Variants in PCDHA11 observed in about 807,000 individuals in gnomAD.
The protein encoded by PCDHA11 is protocadherin alpha 11.
In PCDHA11, 61 loss-of-function variants were observed where a neutral mutation model predicts 70.3. The observed-to-expected ratio is 0.87, with a 90% confidence interval of 0.71 to 1.07. The LOEUF is 1.07. PCDHA11 is among the 50% of genes least tolerant of loss of function. PCDHA11 has a pLI of 0.00. For synonymous variants in PCDHA11, 633 were observed against 555.1 expected, an observed-to-expected ratio of 1.14 and a Z score of -1.97; for missense variants, 1,324 against 1,237.5, an observed-to-expected ratio of 1.07 and a Z score of -1.05.
chr5:140,946,807 A>G (rs1333101378), intron 1 of PCDHA11, among the ~76,000 whole-genome samples: 3 of 151,418 alleles, frequency 2.0e-5, no homozygotes, highest in Non-Finnish European at 4.4e-5. Context: ...CAGAGAGTAT[A>G]ACAGTGATTA....
chr5:140,968,089 C>T lies in PCDHA11; in HGVS notation c.2392-10860C>T, dbSNP rs546330069. ...CTGTCTACAACATCACGGTGACAGC[C>T]ACAGATGGGGGAATACCGCAGCTCA... On this transcript the variant is annotated intron_variant, in intron 1 of 3. Transcript: ENST00000398640. 120 of 1,614,126 alleles carry T rather than the reference C, an allele frequency of 7.4e-5. 1 individual carries two copies. The South Asian group carries it at 1.2e-3, about 16-fold the overall frequency.
chr5:140,887,323 C>T (rs1209011082), intron 1 of PCDHA11, among the ~76,000 whole-genome samples: 5 of 152,084 alleles, frequency 3.3e-5, no homozygotes, highest in African/African-American at 1.2e-4. Context: ...GTCTCGAACT[C>T]CTGACCTCGT....
chr5:141,009,729 G>A lies in PCDHA11; in HGVS notation c.2642G>A (p.Gly881Asp). 6.2e-7 allele frequency: 1 copy of A among 1,614,168 alleles called. No homozygotes were observed. The highest frequency in any genetic ancestry group is 8.5e-7 in the Non-Finnish European group (1 of 1,180,028). The change falls in exon 4 of 4, where the codon GGT (glycine) becomes GAT (aspartate). Residue 881 changes from glycine to aspartate, a missense_variant. Physicochemically the swap from Gly to Asp is moderately conservative, Grantham distance 94. Transcript: ENST00000398640. ...GGCAACCCCAAACAATCCGGTCCCG[G>A]TGAGTTGCCCGACAAATTCATTATC... ...GPGNPKQSGP[G>D]ELPDKFIIPG...
At chr5:140,919,516 A>G (rs1207061379) in intron 1 of PCDHA11, among the ~76,000 whole-genome samples, 2 of 152,078 alleles carry the variant, frequency 1.3e-5, no homozygotes. Flanking sequence ...TATATGTTTT[A>G]ATTCTCTTTT....
At chr5:140,885,328 A>G (rs2060562963) in intron 1 of PCDHA11, among the ~76,000 whole-genome samples, 1 of 152,114 alleles carries the variant, frequency 6.6e-6, no homozygotes, top group Non-Finnish European at 1.5e-5. Context: ...TTCTTTTCCA[A>G]AGTTTGAAGG....
At chr5:140,907,846 C>T (rs2073638181) in intron 1 of PCDHA11, among the ~76,000 whole-genome samples, 1 of 152,246 alleles carries the variant, frequency 6.6e-6, no homozygotes, top group Admixed American at 6.5e-5. Flanking sequence ...TTAAAATCCT[C>T]CTCTGCTGAG....
At chr5:140,871,809 A>G (rs1489306606) in intron 1 of PCDHA11, among the ~76,000 whole-genome samples, 1 of 152,260 alleles carries the variant, frequency 6.6e-6, no homozygotes. Flanking sequence ...TATTTTCACT[A>G]AAGTACCCAT....
intron 2 of PCDHA11, among the ~76,000 whole-genome samples, chr5:140,980,556 G>A (rs1355966555): frequency 6.6e-6 from 1 of 152,126 alleles, no homozygotes; most frequent in Non-Finnish European, 1.5e-5. Flanking sequence ...CTTGAACCCG[G>A]GAGGCGGAAG....
At chr5:140,941,648 T>C (rs975692197) in intron 1 of PCDHA11, among the ~76,000 whole-genome samples, 1 of 152,074 alleles carries the variant, frequency 6.6e-6, no homozygotes, top group Non-Finnish European at 1.5e-5. Context: ...TTCCTACAAC[T>C]TATGTCCAAT....
intron 3 of PCDHA11, among the ~76,000 whole-genome samples, chr5:141,000,391 CTCTCTATATA>C (rs1171335262): frequency 2.9e-3 from 162 of 56,578 alleles, no homozygotes; most frequent in African/African-American, 4.6e-3. Flanking sequence ...CTCTCTCTCT[CTCTCTATATA>C]TATATATATA....
chr5:140,967,817 G>A, intron 1 of PCDHA11: 1 of 1,614,182 alleles, frequency 6.2e-7, no homozygotes. Context: ...TCACTGCAAG[G>A]TGCTGGTGGA....
In PCDHA11 at chr5:140,869,781, T is replaced by G; in HGVS notation, c.678T>G (p.Val226=). Residue 226 remains valine, a synonymous_variant, in exon 1 of 4, where the codon GTT becomes GTG. Transcript: ENST00000398640. ...DGGKPELTGT[V]RLLVQVLDVN... Reference sequence around the variant, plus strand: ...GAAAACCAGAGCTTACTGGCACCGTTCGGCTGTTAGTCCAAGTCTTGGATG... The same window carrying G: ...GAAAACCAGAGCTTACTGGCACCGTGCGGCTGTTAGTCCAAGTCTTGGATG... 1 of 1,612,992 alleles carries G rather than the reference T, an allele frequency of 6.2e-7. No individual in the cohort carries two copies. The highest frequency in any genetic ancestry group is 1.3e-5 in the African/African-American group (1 of 75,038).
intron 1 of PCDHA11, among the ~76,000 whole-genome samples, chr5:140,937,688 G>A (rs112584533): frequency 0.018 from 2,711 of 151,860 alleles, 77 homozygotes; most frequent in African/African-American, 0.063. Context: ...TGAGGCAGGC[G>A]GATCACGAGG....
At chr5:140,999,182 G>T (rs1285087964) in intron 3 of PCDHA11, among the ~76,000 whole-genome samples, 4 of 152,204 alleles carry the variant, frequency 2.6e-5, no homozygotes, top group Non-Finnish European at 5.9e-5. Context: ...CTGATGGGGA[G>T]AGGGTCCTTG....
At chr5:140,876,337 G>T (rs1554168488) in intron 1 of PCDHA11, 1 of 1,614,016 alleles carries the variant, frequency 6.2e-7, no homozygotes, top group Admixed American at 1.7e-5. Flanking sequence ...GCCAGTGAGT[G>T]AGAAATGTAT....
In PCDHA11 at chr5:140,871,487, C is replaced by A; in HGVS notation, c.2384C>A (p.Pro795His). ...AGACAGGAGCCAGGGTCAAATCACC[C>A]CGGACAGGTGAGTTTTCTACAGATT... ...GERQEPGSNHPGQPRQPNPDW... is the reference protein window; with the variant it reads ...GERQEPGSNHHGQPRQPNPDW... The change falls in exon 1 of 4, where the codon CCC becomes CAC. Residue 795 changes from proline to histidine, a missense_variant. By Grantham distance (77) the Pro-to-His change is moderately conservative. Coordinates refer to ENST00000398640, the MANE Select transcript of PCDHA11 (RefSeq NM_018902.5). The A allele has an allele frequency of 6.3e-7, 1 of 1,591,808 alleles. No individual in the cohort carries two copies. Among genetic ancestry groups the A allele is most frequent in the South Asian group, 1.1e-5 (1 of 88,658 alleles).
intron 1 of PCDHA11, chr5:140,883,099 A>C: frequency 6.2e-7 from 1 of 1,614,150 alleles, no homozygotes. Flanking sequence ...ATGGAGATAT[A>C]GTTTACTCAT....
At chr5:141,005,633 C>T (rs1292206901) in intron 3 of PCDHA11, among the ~76,000 whole-genome samples, 2 of 126,368 alleles carry the variant, frequency 1.6e-5, no homozygotes. Context: ...ACCCGGGAGG[C>T]GGAGCTTGCA....
At position 140,883,606 on chromosome 5, in the gene PCDHA11, C is replaced by G; in HGVS notation, c.2391+12112C>G. 3 of 1,613,944 alleles carry G rather than the reference C, an allele frequency of 1.9e-6. No homozygotes were observed. In the African/African-American group the frequency reaches 4.0e-5, roughly 22 times the overall value. On this transcript the variant is annotated intron_variant, in intron 1 of 3. Coordinates refer to ENST00000398640, the MANE Select transcript of PCDHA11 (RefSeq NM_018902.5). ...CGGCCAGCGTGTCGGTGGGGGTGGC[C>G]GACGTGAACGACAACGCGCCGGCGT...
Sources: gnomAD v4.1 joint callset for allele counts (sites outside exome capture counted in the v4.1 genomes callset) on GRCh38, gnomAD v4.1.1 for gene constraint, MANE v1.5 for transcripts, NCBI Gene and HGNC (gene_info 2026-07-23, HGNC 2026-07-21) for gene names.